The following RIGI variants were observed in gnomAD, a reference collection of about 807,000 sequenced individuals.
RIGI encodes the protein antiviral innate immune response receptor RIG-I.
chr9:32,491,651 C>T, the RIGI span, among the ~76,000 whole-genome samples: 15 of 144,694 alleles, frequency 1.0e-4, no homozygotes, highest in South Asian at 2.1e-4. Flanking sequence ...AAGTGTGGAA[C>T]GTATTGCCCT....
At chr9:32,503,228 T>A in the RIGI span, among the ~76,000 whole-genome samples, 2 of 152,080 alleles carry the variant, frequency 1.3e-5, no homozygotes, top group African/African-American at 4.8e-5. Context: ...TGCAAATTTA[T>A]CCCAGCCACA....
the RIGI span, chr9:32,526,130 G>A: frequency 3.1e-6 from 5 of 1,613,830 alleles, no homozygotes; most frequent in Non-Finnish European, 4.2e-6. Flanking sequence ...ATATAATCCT[G>A]GAAGGCTTGC....
the RIGI span, among the ~76,000 whole-genome samples, chr9:32,510,582 A>C: frequency 6.6e-6 from 1 of 152,222 alleles, no homozygotes; most frequent in African/African-American, 2.4e-5. Context: ...AGAGCTCCTG[A>C]AGGAAGCACT....
the RIGI span, among the ~76,000 whole-genome samples, chr9:32,469,880 T>G: frequency 2.0e-5 from 3 of 152,136 alleles, no homozygotes; most frequent in Non-Finnish European, 4.4e-5. Context: ...CACTCACTGC[T>G]CACAGGGCGG....
the RIGI span, among the ~76,000 whole-genome samples, chr9:32,470,619 T>A: frequency 6.6e-6 from 1 of 152,214 alleles, no homozygotes; most frequent in East Asian, 1.9e-4. Context: ...GTACTATTAT[T>A]ATTTTTCCAT....
the RIGI span, among the ~76,000 whole-genome samples, chr9:32,521,162 A>AAAAAAAAAAAAAAAT: frequency 1.4e-5 from 2 of 147,914 alleles, no homozygotes; most frequent in Non-Finnish European, 3.0e-5. Context: ...AAAAAAAAAA[A>AAAAAAAAAAAAAAAT]CTTCACAGAA....
chr9:32,524,006 T>G, the RIGI span, among the ~76,000 whole-genome samples: 1 of 152,030 alleles, frequency 6.6e-6, no homozygotes, highest in Non-Finnish European at 1.5e-5. Context: ...CAATTTATTG[T>G]CTCCTTCCAG....
the RIGI span, among the ~76,000 whole-genome samples, chr9:32,465,620 A>T: frequency 6.6e-6 from 1 of 152,192 alleles, no homozygotes; most frequent in Non-Finnish European, 1.5e-5. Context: ...TTTAAAAGAC[A>T]GAGCAACTGC....
At chr9:32,469,740 A>G in the RIGI span, among the ~76,000 whole-genome samples, 1 of 152,322 alleles carries the variant, frequency 6.6e-6, no homozygotes, top group Admixed American at 6.5e-5. Flanking sequence ...TGAAGTTTGG[A>G]TGTGATAATC....
chr9:32,501,244 A>G, the RIGI span, among the ~76,000 whole-genome samples: 2 of 147,566 alleles, frequency 1.4e-5, no homozygotes, highest in African/African-American at 5.0e-5. Context: ...GGGAGAAGTC[A>G]TGGTGGCCTC....
chr9:32,515,203 C>T, the RIGI span, among the ~76,000 whole-genome samples: 4 of 151,750 alleles, frequency 2.6e-5, no homozygotes, highest in Non-Finnish European at 5.9e-5. Flanking sequence ...AGTTCGAGAC[C>T]AGCCTGACCA....
the RIGI span, among the ~76,000 whole-genome samples, chr9:32,499,137 T>A: frequency 1.3e-5 from 2 of 152,102 alleles, no homozygotes; most frequent in Non-Finnish European, 2.9e-5. Context: ...CTGAGAATCT[T>A]TTACATTTAT....
At chr9:32,468,043 T>C in the RIGI span, 1 of 955,768 alleles carries the variant, frequency 1.0e-6, no homozygotes, top group Non-Finnish European at 1.5e-6. Context: ...CTGTGATAAG[T>C]ACTTTATATC....
chr9:32,505,305 C>T, the RIGI span, among the ~76,000 whole-genome samples: 64 of 151,994 alleles, frequency 4.2e-4, no homozygotes, highest in African/African-American at 1.1e-3. Flanking sequence ...CAATGGTTGC[C>T]TCTGCAGAGG....
chr9:32,509,561 G>A, the RIGI span, among the ~76,000 whole-genome samples: 53 of 152,236 alleles, frequency 3.5e-4, no homozygotes, highest in Non-Finnish European at 5.6e-4. Context: ...CAACGAAAAG[G>A]ACATCCACAC....
chr9:32,515,629 C>T, the RIGI span, among the ~76,000 whole-genome samples: 1 of 152,206 alleles, frequency 6.6e-6, no homozygotes, highest in Non-Finnish European at 1.5e-5. Context: ...GAACTGCCTA[C>T]ATTTATCTTC....
the RIGI span, among the ~76,000 whole-genome samples, chr9:32,525,386 A>G: frequency 2.6e-5 from 4 of 152,142 alleles, no homozygotes; most frequent in South Asian, 2.1e-4. Flanking sequence ...GGCCTCATCG[A>G]TATCTTTTAA....
chr9:32,522,861 C>T, the RIGI span, among the ~76,000 whole-genome samples: 2 of 152,148 alleles, frequency 1.3e-5, no homozygotes, highest in African/African-American at 4.8e-5. Context: ...ATATACAATT[C>T]TTTCGAATAA....
the RIGI span, among the ~76,000 whole-genome samples, chr9:32,513,666 G>A: frequency 3.9e-5 from 6 of 152,056 alleles, no homozygotes; most frequent in African/African-American, 9.7e-5. Context: ...ACATAGGCAC[G>A]GGCAAAGACT....
Sources: gnomAD v4.1 joint callset for allele counts (sites outside exome capture counted in the v4.1 genomes callset) on GRCh38, gnomAD v4.1.1 for gene constraint, MANE v1.5 for transcripts, NCBI Gene and HGNC (gene_info 2026-07-23, HGNC 2026-07-21) for gene names.